The following LHFPL6 variants were observed in gnomAD, a reference collection of about 807,000 sequenced individuals.
LHFPL6 encodes LHFPL tetraspan subfamily member 6, also known as LHFPL tetraspan subfamily member 6 protein.
Under a neutral mutation model 20.6 loss-of-function variants are expected in LHFPL6, and 9 were observed. That is an observed-to-expected ratio of 0.44 (90% CI 0.26 to 0.76). The LOEUF (loss-of-function observed/expected upper bound fraction) is 0.76, where lower values mean the gene tolerates loss of function less well. LHFPL6 is among the 30% of genes least tolerant of loss of function. The probability of loss-of-function intolerance (pLI) is 0.20; values close to 1 mark genes in which losing one functional copy is unlikely to be tolerated. For missense variants in LHFPL6, 218 were observed against 253.5 expected, an observed-to-expected ratio of 0.86 and a Z score of 0.95; for synonymous variants, 105 against 98.7, an observed-to-expected ratio of 1.06 and a Z score of -0.38.
chr13:39,464,686 G>C (rs1463611532), intron 2 of LHFPL6, among the ~76,000 whole-genome samples: 1 of 143,538 alleles, frequency 7.0e-6, no homozygotes, highest in Non-Finnish European at 1.5e-5. Flanking sequence ...AACTATTGGG[G>C]GAAAAAGCAC....
intron 3 of LHFPL6, among the ~76,000 whole-genome samples, chr13:39,362,330 T>C (rs904844688): frequency 6.6e-6 from 1 of 152,214 alleles, no homozygotes; most frequent in African/African-American, 2.4e-5. Context: ...TGGTTCCCCT[T>C]TGCTTTCTGC....
chr13:39,548,762 A>G (rs1460532707), intron 2 of LHFPL6, among the ~76,000 whole-genome samples: 1 of 152,094 alleles, frequency 6.6e-6, no homozygotes, highest in Non-Finnish European at 1.5e-5. Context: ...AGGGTAAGGC[A>G]GGGAAAGTGT....
At chr13:39,518,390 T>C (rs1028318996) in intron 2 of LHFPL6, among the ~76,000 whole-genome samples, 6 of 152,184 alleles carry the variant, frequency 3.9e-5, no homozygotes, top group Non-Finnish European at 8.8e-5. Context: ...GTTAGATGTG[T>C]TTCAAAAAAC....
chr13:39,394,256 G>A (rs573178499), intron 2 of LHFPL6, among the ~76,000 whole-genome samples: 13 of 152,074 alleles, frequency 8.5e-5, no homozygotes, highest in Non-Finnish European at 1.5e-4. Flanking sequence ...TTCCTCTTGC[G>A]ATAAAGACAC....
chr13:39,567,738 T>C (rs977213706), intron 2 of LHFPL6, among the ~76,000 whole-genome samples: 1 of 152,230 alleles, frequency 6.6e-6, no homozygotes, highest in Admixed American at 6.5e-5. Flanking sequence ...CTACTCTTTT[T>C]ATAGAGCAGG....
intron 2 of LHFPL6, among the ~76,000 whole-genome samples, chr13:39,407,701 T>C (rs951654710): frequency 7.1e-4 from 108 of 152,332 alleles, no homozygotes; most frequent in African/African-American, 2.5e-3. Context: ...TAAAAGGGTG[T>C]TCCACTTTAA....
chr13:39,357,360 A>C (rs1309958429), intron 3 of LHFPL6, among the ~76,000 whole-genome samples: 1 of 152,176 alleles, frequency 6.6e-6, no homozygotes. Context: ...AAATAAAAAG[A>C]GCCATCTATG....
chr13:39,467,082 T>C (rs544142250), intron 2 of LHFPL6, among the ~76,000 whole-genome samples: 1 of 152,196 alleles, frequency 6.6e-6, no homozygotes, highest in Non-Finnish European at 1.5e-5. Context: ...GCAAATATGA[T>C]TCCAATTCAC....
intron 2 of LHFPL6, among the ~76,000 whole-genome samples, chr13:39,569,653 A>G (rs1871850654): frequency 6.6e-6 from 1 of 152,244 alleles, no homozygotes; most frequent in Non-Finnish European, 1.5e-5. Context: ...TTTTTGTAAG[A>G]TATTTGATGA....
At chr13:39,446,076 C>CTCTCTCCTGGGAGAGAACA (rs1447626070) in intron 2 of LHFPL6, among the ~76,000 whole-genome samples, 2 of 152,144 alleles carry the variant, frequency 1.3e-5, no homozygotes, top group African/African-American at 2.4e-5. Context: ...TTACTTTCAA[C>CTCTCTCCTGGGAGAGAACA]TCTCTCCTGG....
intron 2 of LHFPL6, among the ~76,000 whole-genome samples, chr13:39,463,400 T>C (rs1272749781): frequency 6.9e-6 from 1 of 145,690 alleles, no homozygotes; most frequent in Admixed American, 6.6e-5. Context: ...CTAGTTTTTA[T>C]ATAATTATTA....
At chr13:39,388,599 G>A (rs1870626447) in intron 2 of LHFPL6, among the ~76,000 whole-genome samples, 1 of 152,108 alleles carries the variant, frequency 6.6e-6, no homozygotes, top group Non-Finnish European at 1.5e-5. Flanking sequence ...TAAAATGGGG[G>A]AAAATTATGA....
chr13:39,565,378 C>G lies in LHFPL6; in HGVS notation c.385+35454G>C, dbSNP rs577225306. Among the ~76,000 whole-genome samples, 98 of 152,148 alleles carry G rather than the reference C, an allele frequency of 6.4e-4. No individual in the cohort carries two copies. The Middle Eastern group carries it at 0.01, about 16-fold the overall frequency. ...GTTCAAGTTTACTGCAAATTACATA[C>G]GACAATACAGTTCTTAAATAGTACA... On this transcript the variant is annotated intron_variant, in intron 2 of 3. Transcript: ENST00000379589.
intron 2 of LHFPL6, among the ~76,000 whole-genome samples, chr13:39,478,074 T>C (rs1488137135): frequency 6.6e-6 from 1 of 152,204 alleles, no homozygotes; most frequent in Non-Finnish European, 1.5e-5. Context: ...GACAGTCCTC[T>C]CATTTACAAA....
chr13:39,415,219 C>T (rs1414359534), intron 2 of LHFPL6, among the ~76,000 whole-genome samples: 1 of 152,092 alleles, frequency 6.6e-6, no homozygotes, highest in African/African-American at 2.4e-5. Context: ...AAGTGAAATG[C>T]TCTATTGTTA....
At chr13:39,599,288 A>C (rs1336796189) in intron 2 of LHFPL6, among the ~76,000 whole-genome samples, 2 of 152,244 alleles carry the variant, frequency 1.3e-5, no homozygotes, top group Non-Finnish European at 2.9e-5. Flanking sequence ...TGAAACACAA[A>C]CAGCAGACCA....
chr13:39,425,852 TG>T (rs1871621906), intron 2 of LHFPL6, among the ~76,000 whole-genome samples: 1 of 152,154 alleles, frequency 6.6e-6, no homozygotes, highest in Non-Finnish European at 1.5e-5. Context: ...ATATGAGACA[TG>T]GTTTCACTAT....
chr13:39,361,670 G>A lies in LHFPL6; in HGVS notation c.484+16758C>T, dbSNP rs544751273. ...TTTCATTTGTTATATTTTGCAAGTCGCAAACCGTAAGCATAAAGAAAGTCC... is the reference window on the plus strand; with the variant it reads ...TTTCATTTGTTATATTTTGCAAGTCACAAACCGTAAGCATAAAGAAAGTCC... On this transcript the variant is annotated intron_variant, in intron 3 of 3. Coordinates refer to ENST00000379589, the MANE Select transcript of LHFPL6 (RefSeq NM_005780.3). Among the ~76,000 whole-genome samples the A allele has an allele frequency of 5.3e-4, 81 of 152,096 alleles. 1 individual carries two copies. The highest frequency in any genetic ancestry group is 9.6e-4 in the Non-Finnish European group (65 of 68,040).
At chr13:39,450,574 C>T (rs930493676) in intron 2 of LHFPL6, among the ~76,000 whole-genome samples, 2 of 152,088 alleles carry the variant, frequency 1.3e-5, no homozygotes, top group African/African-American at 4.8e-5. Flanking sequence ...TCTATCTATC[C>T]ATGCTTAGAT....
Sources: allele counts gnomAD v4.1 joint callset (sites outside exome capture counted in the v4.1 genomes callset), GRCh38; gene constraint gnomAD v4.1.1; transcripts MANE v1.5; gene names NCBI Gene and HGNC (gene_info 2026-07-23, HGNC 2026-07-21).